Variants in PPP2R2C observed in about 807,000 individuals in gnomAD.
PPP2R2C encodes protein phosphatase 2 regulatory subunit Bgamma, also known as protein phosphatase 2, regulatory subunit B, gamma.
In PPP2R2C, 10 loss-of-function variants were observed where a neutral mutation model predicts 45.3. That is an observed-to-expected ratio of 0.22 (90% CI 0.14 to 0.37). The LOEUF is 0.37. PPP2R2C is among the 10% of genes least tolerant of loss of function. The pLI is 1.00. For missense variants in PPP2R2C, 308 were observed against 619.7 expected (o/e 0.50, Z 5.34); for synonymous variants, 257 against 245.4 (o/e 1.05, Z -0.44).
At chr4:6,528,042 G>A (rs547487151) in intron 2 of PPP2R2C, among the ~76,000 whole-genome samples, 4 of 152,350 alleles carry the variant, frequency 2.6e-5, no homozygotes, top group African/African-American at 4.8e-5. Context: ...ATCTCAGGAC[G>A]GTGAGCGCAG....
At chr4:6,466,732 G>C (rs1721615604) in intron 1 of PPP2R2C, among the ~76,000 whole-genome samples, 1 of 152,062 alleles carries the variant, frequency 6.6e-6, no homozygotes, top group South Asian at 2.1e-4. Context: ...CAAGCTTTAA[G>C]GATAAACACT....
intron 3 of PPP2R2C, among the ~76,000 whole-genome samples, chr4:6,377,277 G>A (rs1715394251): frequency 6.6e-6 from 1 of 152,158 alleles, no homozygotes; most frequent in East Asian, 1.9e-4. Context: ...CCATTTCACG[G>A]ACCCCAGAAG....
intron 1 of PPP2R2C, among the ~76,000 whole-genome samples, chr4:6,441,989 C>T (rs1353480014): frequency 1.3e-5 from 2 of 152,250 alleles, no homozygotes; most frequent in African/African-American, 4.8e-5. Flanking sequence ...AGGCTCCTGA[C>T]CACCTGGGTC....
At chr4:6,451,197 C>T (rs992564309) in intron 1 of PPP2R2C, among the ~76,000 whole-genome samples, 4 of 152,162 alleles carry the variant, frequency 2.6e-5, no homozygotes, top group African/African-American at 4.8e-5. Context: ...CCTTGTCAAT[C>T]GTACCCACAG....
chr4:6,538,728 C>T (rs965212867), intron 1 of PPP2R2C, among the ~76,000 whole-genome samples: 1 of 152,232 alleles, frequency 6.6e-6, no homozygotes, highest in Non-Finnish European at 1.5e-5. Flanking sequence ...GAGCCGGCCG[C>T]CAATGCAGTC....
At chr4:6,487,425 T>A (rs1458500399) in intron 2 of PPP2R2C, among the ~76,000 whole-genome samples, 1 of 151,996 alleles carries the variant, frequency 6.6e-6, no homozygotes, top group Non-Finnish European at 1.5e-5. Context: ...AGCCGTTATG[T>A]CTCAGAAGTC....
At chr4:6,426,008 G>C (rs1719277307) in intron 1 of PPP2R2C, among the ~76,000 whole-genome samples, 3 of 152,236 alleles carry the variant, frequency 2.0e-5, no homozygotes, top group Non-Finnish European at 2.9e-5. Context: ...GCCTGTTCCT[G>C]GGTACAGGCC....
intron 1 of PPP2R2C, among the ~76,000 whole-genome samples, chr4:6,560,017 G>C (rs1219366967): frequency 1.3e-5 from 2 of 152,232 alleles, no homozygotes; most frequent in African/African-American, 4.8e-5. Context: ...TCAAACCCTG[G>C]GGATTCCACG....
chr4:6,325,856 T>G (rs1387905997), intron 8 of PPP2R2C, among the ~76,000 whole-genome samples: 1 of 152,220 alleles, frequency 6.6e-6, no homozygotes, highest in East Asian at 1.9e-4. Flanking sequence ...TCAGCCCCAG[T>G]GCTCCGCTCC....
In PPP2R2C at chr4:6,333,727, A is replaced by G; in HGVS notation, c.795T>C (p.Phe265=). 1 of 1,614,062 alleles carries G rather than the reference A, an allele frequency of 6.2e-7. No homozygotes were observed. The highest frequency in any genetic ancestry group is 8.5e-7 in the Non-Finnish European group (1 of 1,179,976). The change falls in exon 7 of 9, where the codon TTT becomes TTC. Residue 265 remains phenylalanine (F), a synonymous_variant. Coordinates refer to ENST00000382599, the MANE Select transcript of PPP2R2C (RefSeq NM_020416.4). ...AALCDKHSKL[F]EEPEDPSNRS... is the part of the protein sequence containing the mutation. ...GGTTACTGGGGTCCTCAGGCTCTTC[A>G]AAGACTGTGGAGACAGAGAAGCAAT...
chr4:6,341,399 AGGCTTCTGT>A (rs1395425134), intron 6 of PPP2R2C, among the ~76,000 whole-genome samples: 1 of 151,808 alleles, frequency 6.6e-6, no homozygotes, highest in Admixed American at 6.6e-5. Flanking sequence ...TTAGTTCTCA[AGGCTTCTGT>A]GATGAGAAAG....
Position 6,396,621 on chromosome 4 carries a change from C to T in PPP2R2C, c.71-15527G>A, listed in dbSNP as rs139310255. 1.9e-3 allele frequency among the ~76,000 whole-genome samples: 290 copies of T among 152,368 alleles called. 1 individual carries two copies. Among genetic ancestry groups the T allele is most frequent in the African/African-American group, 6.2e-3 (259 of 41,590 alleles). On this transcript the variant is annotated intron_variant, in intron 1 of 8. Transcript: ENST00000382599. ...TGCGTATCACACTCAAAACTATTCA[C>T]AAGCATTTCATACCCATGATCTCAT...
intron 1 of PPP2R2C, among the ~76,000 whole-genome samples, chr4:6,458,385 A>G (rs1721153181): frequency 6.6e-6 from 1 of 152,176 alleles, no homozygotes. Context: ...CTGAGGTCCA[A>G]CTTCCTGACT....
At chr4:6,382,677 A>T (rs62285931) in intron 1 of PPP2R2C, 483 of 117,708 alleles carry the variant, frequency 4.1e-3, no homozygotes, top group African/African-American at 0.014. Flanking sequence ...TCTCTCTCTC[A>T]CACACACACA....
At chr4:6,457,594 G>C (rs907358480) in intron 1 of PPP2R2C, among the ~76,000 whole-genome samples, 1 of 151,722 alleles carries the variant, frequency 6.6e-6, no homozygotes, top group South Asian at 2.1e-4. Flanking sequence ...GGCTGGTCTC[G>C]AACTCCTGGG....
chr4:6,329,939 G>A lies in PPP2R2C; in HGVS notation c.961-586C>T, dbSNP rs995145566. Among the ~76,000 whole-genome samples the A allele has an allele frequency of 6.6e-6, 1 of 152,210 alleles. No homozygotes were observed. Among genetic ancestry groups the A allele is most frequent in the Non-Finnish European group, 1.5e-5 (1 of 68,034 alleles). On this transcript the variant is annotated intron_variant, in intron 7 of 8. Coordinates refer to ENST00000382599, the MANE Select transcript of PPP2R2C (RefSeq NM_020416.4). The surrounding 1 kb of genome is among the most constrained non-coding windows in gnomAD (Gnocchi z 5.8). ...TGGTTCTGGCATTAAGTGCAGGGCA[G>A]GCCTTTTGAGGGTAATGATCTCCGA...
intron 5 of PPP2R2C, among the ~76,000 whole-genome samples, chr4:6,367,509 CA>C (rs1714438086): frequency 6.6e-6 from 1 of 152,146 alleles, no homozygotes; most frequent in East Asian, 1.9e-4. Context: ...CTCTGACAGC[CA>C]GAATCCACCC....
chr4:6,416,349 C>T (rs1018337309), intron 1 of PPP2R2C, among the ~76,000 whole-genome samples: 2 of 152,172 alleles, frequency 1.3e-5, no homozygotes, highest in Non-Finnish European at 2.9e-5. Flanking sequence ...AGAGTAGGAG[C>T]CAGGATTCGA....
rs960669638 is a variant in PPP2R2C, at chr4:6,324,013, C to A, written c.1053-420G>T. On this transcript the variant is annotated intron_variant, in intron 8 of 8. Coordinates refer to ENST00000382599, the MANE Select transcript of PPP2R2C (RefSeq NM_020416.4). The surrounding 1 kb of genome is among the most constrained non-coding windows in gnomAD (Gnocchi z 4.1). ...CATCACTCCCTGGAAAGGGAAACCACACCTGCCTCTATTCCCCTGTATCTT... is the reference window on the plus strand; with the variant it reads ...CATCACTCCCTGGAAAGGGAAACCAAACCTGCCTCTATTCCCCTGTATCTT... 1.3e-5 allele frequency among the ~76,000 whole-genome samples: 2 copies of A among 152,218 alleles called. No individual in the cohort carries two copies. Among genetic ancestry groups the A allele is most frequent in the East Asian group, 1.9e-4 (1 of 5,202 alleles).
Sources: allele counts gnomAD v4.1 joint callset (sites outside exome capture counted in the v4.1 genomes callset), GRCh38; gene constraint gnomAD v4.1.1; non-coding constraint Gnocchi (gnomAD v3.1); transcripts MANE v1.5; gene names NCBI Gene and HGNC (gene_info 2026-07-23, HGNC 2026-07-21).